The following HPD variants were observed in gnomAD, a reference collection of about 807,000 sequenced individuals.
The protein encoded by HPD is 4-hydroxyphenylpyruvate dioxygenase, also known as 4-hydroxyphenylpyruvic acid oxidase.
HPD carries 35 observed loss-of-function variants against 56.9 expected under a neutral mutation model. The observed-to-expected ratio is 0.62, with a 90% CI of 0.47 to 0.82. The LOEUF is 0.82. Among genes scored for constraint, HPD ranks in the 40% least tolerant of loss-of-function variants. The probability of loss-of-function intolerance (pLI) is 0.00; values close to 1 mark genes in which losing one functional copy is unlikely to be tolerated. For synonymous variants in HPD, 186 were observed against 200.2 expected (o/e 0.93, Z 0.60); for missense variants, 442 against 506.8 (o/e 0.87, Z 1.23).
chr12:121,856,782 T>G (rs1389493309), intron 4 of HPD, 157 bp from the exon 5 acceptor site: 3 of 717,102 alleles, frequency 4.2e-6, no homozygotes, highest in Admixed American at 4.1e-5. Context: ...TTTCCCACAC[T>G]GGTCCTGAGG....
intron 7 of HPD, among the ~76,000 whole-genome samples, chr12:121,851,699 A>ATTT (rs1284294966): frequency 1.4e-3 from 17 of 12,396 alleles, no homozygotes; most frequent in East Asian, 6.9e-3. Context: ...TTATTTATTT[A>ATTT]TTTTTTTTTT....
At chr12:121,851,201 A>G (rs938991834) in intron 7 of HPD, among the ~76,000 whole-genome samples, 1 of 152,128 alleles carries the variant, frequency 6.6e-6, no homozygotes, top group East Asian at 1.9e-4. Context: ...ACTTAGTGAC[A>G]TGGGGTTTTA....
chr12:121,874,899 T>C, the HPD span, among the ~76,000 whole-genome samples: 4 of 151,972 alleles, frequency 2.6e-5, no homozygotes, highest in African/African-American at 9.7e-5. Context: ...GTAGCTGGGA[T>C]TACAGGCATG....
chr12:121,863,915 G>GT (rs1169727221), upstream of HPD, among the ~76,000 whole-genome samples: 5 of 152,130 alleles, frequency 3.3e-5, no homozygotes, highest in South Asian at 2.1e-4. Flanking sequence ...GTATAAAAAT[G>GT]TTTTTCTGTG....
At chr12:121,840,135 T>C (rs1380452528) in intron 12 of HPD, 87 bp from the exon 13 acceptor site, 4 of 878,878 alleles carry the variant, frequency 4.6e-6, no homozygotes, top group Non-Finnish European at 7.8e-6. Context: ...ACCCCAAAAG[T>C]CTGGAAATGA....
At position 121,851,596 on chromosome 12, in the gene HPD, G is replaced by A. The variant is rs963431124; in HGVS notation, c.415-1806C>T. 4.6e-5 allele frequency among the ~76,000 whole-genome samples: 7 copies of A among 151,154 alleles called. No individual in the cohort carries two copies. In the East Asian group the frequency reaches 9.7e-4, roughly 21 times the overall value. On this transcript the variant is annotated intron_variant, in intron 7 of 13. Transcript: ENST00000289004. ...TGAACTCAGGTGATCCACCTGCCTC[G>A]GCCTCACAAAGTGCTGGGATTACAG... is the stretch of plus-strand genomic sequence containing the variant.
intron 4 of HPD, 123 bp from the exon 5 acceptor site, chr12:121,856,748 G>C (rs1290981261): frequency 1.1e-6 from 1 of 880,050 alleles, no homozygotes; most frequent in South Asian, 1.4e-5. Flanking sequence ...CTGGACCTGG[G>C]TTCTAGCTCC....
the HPD span, among the ~76,000 whole-genome samples, chr12:121,878,920 C>G: frequency 6.6e-6 from 1 of 152,072 alleles, no homozygotes; most frequent in Non-Finnish European, 1.5e-5. Flanking sequence ...AACCATCCTC[C>G]CGCCTTGGCC....
intron 12 of HPD, among the ~76,000 whole-genome samples, chr12:121,841,427 T>G (rs2515729): frequency 6.6e-6 from 1 of 151,954 alleles, no homozygotes; most frequent in Non-Finnish European, 1.5e-5. Context: ...CTAGATATAT[T>G]CCAAAGTGCA....
At chr12:121,871,284 G>A in the HPD span, among the ~76,000 whole-genome samples, 6 of 151,842 alleles carry the variant, frequency 4.0e-5, no homozygotes, top group African/African-American at 1.5e-4. Context: ...TGAATCGATT[G>A]AGCCCAGGAG....
chr12:121,845,398 C>T (rs1177895828), intron 11 of HPD, among the ~76,000 whole-genome samples: 2 of 149,130 alleles, frequency 1.3e-5, no homozygotes, highest in East Asian at 1.9e-4. Context: ...AGATCGAGAC[C>T]ATCCTGGCTA....
At chr12:121,841,325 G>T (rs981078184) in intron 12 of HPD, among the ~76,000 whole-genome samples, 1 of 152,162 alleles carries the variant, frequency 6.6e-6, no homozygotes, top group Admixed American at 6.5e-5. Context: ...GGCCAAGATC[G>T]CACCACTGCA....
upstream of HPD, among the ~76,000 whole-genome samples, chr12:121,864,356 C>A (rs897834344): frequency 6.7e-6 from 1 of 149,336 alleles, no homozygotes; most frequent in African/African-American, 2.5e-5. Context: ...GGTTCAAGAC[C>A]AACCTGGGCA....
rs758064577 is a variant in HPD at position 121,857,369 on chromosome 12, C to T, written c.157G>A (p.Gly53Ser). ...EPLAYRGLET[G>S]SREVVSHVIK... ...ACATGGCTGACCACCTCCCGGGAAC[C>T]GGTCTCCAGGCCCCTGTAGGCTAGA... Residue 53 changes from glycine (G) to serine (S), a missense_variant, in exon 4 of 14, where the codon GGT becomes AGT. Coordinates refer to ENST00000289004, the MANE Select transcript of HPD (RefSeq NM_002150.3). The T allele has an allele frequency of 4.9e-5, 79 of 1,613,966 alleles. No homozygotes were observed. Among genetic ancestry groups the T allele is most frequent in the Middle Eastern group, 1.6e-4 (1 of 6,084 alleles).
the HPD span, among the ~76,000 whole-genome samples, chr12:121,883,342 C>T: frequency 6.6e-6 from 1 of 151,664 alleles, no homozygotes; most frequent in African/African-American, 2.4e-5. Context: ...GCCAATGTCA[C>T]TCTTGGGAAG....
chr12:121,867,712 C>T (rs1878362153), upstream of HPD, among the ~76,000 whole-genome samples: 4 of 152,068 alleles, frequency 2.6e-5, no homozygotes, highest in South Asian at 8.3e-4. Context: ...CAGGGTTTTG[C>T]CATGTTGGCT....
At chr12:121,879,495 C>CTCTTCTCTTA in the HPD span, among the ~76,000 whole-genome samples, 1 of 151,152 alleles carries the variant, frequency 6.6e-6, no homozygotes, top group African/African-American at 2.4e-5. Flanking sequence ...CTCTTCTCTT[C>CTCTTCTCTTA]TCTTCTCTTT....
chr12:121,858,641 C>A (rs193074269), intron 2 of HPD, 46 bp downstream of exon 2: 2 of 1,593,100 alleles, frequency 1.3e-6, no homozygotes, highest in Admixed American at 1.7e-5. Flanking sequence ...ACTCCGACCC[C>A]CTTCTAGACT....
chr12:121,867,915 C>T (rs1878367607), upstream of HPD, among the ~76,000 whole-genome samples: 1 of 152,160 alleles, frequency 6.6e-6, no homozygotes, highest in African/African-American at 2.4e-5. Context: ...AGAAATTCTC[C>T]CACCTTGGCC....
Sources: allele counts gnomAD v4.1 joint callset (sites outside exome capture counted in the v4.1 genomes callset), GRCh38; gene constraint gnomAD v4.1.1; transcripts MANE v1.5; gene names NCBI Gene and HGNC (gene_info 2026-07-23, HGNC 2026-07-21).